The following ETFB variants were observed in gnomAD, a reference collection of about 807,000 sequenced individuals.
ETFB encodes electron transfer flavoprotein subunit beta.
A neutral mutation model predicts 25.6 loss-of-function variants in ETFB; 20 were observed. The observed-to-expected ratio is 0.78, with a 90% CI of 0.55 to 1.14. ETFB has a LOEUF of 1.14. Among genes scored for constraint, ETFB ranks in the 50% most tolerant of loss-of-function variants. The pLI is 0.00. For synonymous variants in ETFB, 142 were observed against 146.7 expected (o/e 0.97, Z 0.23); for missense variants, 286 against 342.6 (o/e 0.83, Z 1.30).
At chr19:51,364,148 G>A (rs1968243) in intron 1 of ETFB, among the ~76,000 whole-genome samples, 45,575 of 151,772 alleles carry the variant, frequency 0.3, 6,963 homozygotes, top group South Asian at 0.42. Flanking sequence ...GGGAGGACCC[G>A]GGTGAGGGTC....
rs1405205974 is a variant in ETFB, at chr19:51,345,358, C to T, written c.621G>A (p.Glu207=). Residue 207 remains glutamate, a synonymous_variant, in exon 6 of 6, where the codon GAG becomes GAA. Transcript: ENST00000309244. ...CACCCAGGTCCCCAGGCTTGATCACCTCGATCTTCTTCTTCTTGGCTTTCT... is the reference window on the plus strand; with the variant it reads ...CACCCAGGTCCCCAGGCTTGATCACTTCGATCTTCTTCTTCTTGGCTTTCT... The part of the protein sequence containing the change: ...NIMKAKKKKI[E]VIKPGDLGVD... 1 of 1,614,130 alleles carries T rather than the reference C, an allele frequency of 6.2e-7. No homozygotes were observed. Among genetic ancestry groups the T allele is most frequent in the Non-Finnish European group, 8.5e-7 (1 of 1,180,016 alleles).
intron 1 of ETFB, among the ~76,000 whole-genome samples, chr19:51,359,837 TAGAG>T (rs901699317): frequency 6.6e-6 from 1 of 151,576 alleles, no homozygotes; most frequent in African/African-American, 2.4e-5. Flanking sequence ...CTGGGCAACA[TAGAG>T]AGACTTCATC....
At chr19:51,355,941 G>A (rs192498801) in intron 1 of ETFB, 2,313 of 118,836 alleles carry the variant, frequency 0.019, 81 homozygotes, top group African/African-American at 0.069. Flanking sequence ...GGGGACTGTC[G>A]TGGGGTGGGG....
intron 4 of ETFB, 74 bp downstream of exon 4, chr19:51,350,255 A>G: frequency 6.5e-7 from 1 of 1,529,948 alleles, no homozygotes; most frequent in Non-Finnish European, 8.9e-7. Flanking sequence ...GCAAATGCAA[A>G]GGCCTTGAGG....
intron 2 of ETFB, 121 bp downstream of exon 2, chr19:51,354,029 C>T (rs1368252841): frequency 8.3e-7 from 1 of 1,200,042 alleles, no homozygotes; most frequent in Admixed American, 2.0e-5. Context: ...TCAGCCCATC[C>T]TCCCTCAGAC....
chr19:51,352,832 T>C (rs1396565611), intron 3 of ETFB, among the ~76,000 whole-genome samples: 17 of 152,270 alleles, frequency 1.1e-4, no homozygotes, highest in Non-Finnish European at 4.4e-5. Context: ...TTCACCATGT[T>C]GGCCACGCTA....
At chr19:51,363,498 G>A (rs1568470908) in intron 1 of ETFB, among the ~76,000 whole-genome samples, 1 of 152,040 alleles carries the variant, frequency 6.6e-6, no homozygotes, top group African/African-American at 2.4e-5. Context: ...ACCCAGGCTG[G>A]AGTACAGGGA....
chr19:51,359,893 C>T (rs978032352), intron 1 of ETFB, among the ~76,000 whole-genome samples: 2 of 151,910 alleles, frequency 1.3e-5, no homozygotes, highest in African/African-American at 2.4e-5. Context: ...TGGCGTGCAC[C>T]TGTAGTCCCA....
At chr19:51,349,786 T>C (rs1303302491) in intron 4 of ETFB, among the ~76,000 whole-genome samples, 1 of 151,738 alleles carries the variant, frequency 6.6e-6, no homozygotes, top group African/African-American at 2.4e-5. Flanking sequence ...CCTCCCTCTG[T>C]TGCCAGGCTG....
chr19:51,354,059 G>C (rs993795429), intron 2 of ETFB, 91 bp downstream of exon 2: 1 of 1,365,138 alleles, frequency 7.3e-7, no homozygotes, highest in African/African-American at 1.6e-5. Context: ...CAGACTTCCA[G>C]CCTCCTCCTC....
In ETFB at chr19:51,354,177, G is replaced by A. The variant is rs267605609; in HGVS notation, c.189C>T (p.Ala63=). 1.2e-5 allele frequency: 20 copies of A among 1,614,094 alleles called. No homozygotes were observed. The highest frequency in any genetic ancestry group is 3.3e-4 in the Middle Eastern group (2 of 6,058). ...KEKKLVKEVI[A]VSCGPAQCQE... ...GGCACTGTGCAGGCCCACAGCTGAC[G>A]GCGATGACCTCCTTCACCAGCTTCT... Residue 63 remains alanine, a synonymous_variant, in exon 2 of 6, where the codon GCC becomes GCT. Coordinates refer to ENST00000309244, the MANE Select transcript of ETFB (RefSeq NM_001985.3).
rs1353707776 is a variant in ETFB at position 51,366,330 on chromosome 19, CCCG to C, written c.-7_-5del. 6.2e-7 allele frequency: 1 copy of C among 1,612,280 alleles called. No individual in the cohort carries two copies. The highest frequency in any genetic ancestry group is 1.7e-5 in the Admixed American group (1 of 60,002). On this transcript the variant is annotated 5_prime_UTR_variant, in exon 1 of 6. Coordinates refer to ENST00000309244, the MANE Select transcript of ETFB (RefSeq NM_001985.3). ...CGAGCACGCGCAGCTCCGCCATCTT[CCCG>C]CCGCAGCCACTTACAGGGTCAGCCC...
rs903169408 is a variant in ETFB at position 51,347,025 on chromosome 19, C to A, written c.472G>T (p.Asp158Tyr). 6.2e-7 allele frequency: 1 copy of A among 1,613,494 alleles called. No individual in the cohort carries two copies. Among genetic ancestry groups the A allele is most frequent in the African/African-American group, 1.3e-5 (1 of 74,904 alleles). Reference protein sequence around the residue: ...TFASQVTLEGDKLKVEREIDG... With the variant: ...TFASQVTLEGYKLKVEREIDG... The stretch of plus-strand genomic sequence containing the variant: ...ATCTCCCGCTCCACTTTCAACTTGT[C>A]CCCCTCCAGCGTCACCTGGGAGGCG... The change falls in exon 5 of 6, where the codon GAC (aspartate) becomes TAC (tyrosine). Residue 158 changes from aspartate to tyrosine, a missense_variant. Physicochemically the swap from Asp to Tyr is radical, Grantham distance 160 (BLOSUM62 -3). Transcript: ENST00000309244.
At chr19:51,362,570 G>A (rs1182895336) in intron 1 of ETFB, among the ~76,000 whole-genome samples, 8 of 152,140 alleles carry the variant, frequency 5.3e-5, no homozygotes, top group African/African-American at 4.8e-5. Context: ...GATAGACTCC[G>A]TCTCAAAAAA....
At chr19:51,350,799 CAGATGT>C (rs1220192877) in intron 3 of ETFB, among the ~76,000 whole-genome samples, 1 of 152,194 alleles carries the variant, frequency 6.6e-6, no homozygotes, top group African/African-American at 2.4e-5. Flanking sequence ...TATGGTGGAA[CAGATGT>C]AGTAAATATC....
intron 1 of ETFB, among the ~76,000 whole-genome samples, chr19:51,364,806 T>G (rs988912729): frequency 6.6e-6 from 1 of 152,224 alleles, no homozygotes; most frequent in Non-Finnish European, 1.5e-5. Flanking sequence ...AGAGCCAGAC[T>G]TGCCCGGGGT....
Position 51,350,468 on chromosome 19 carries a change from G to A in ETFB, c.376-77C>T, listed in dbSNP as rs117790728. 3.8e-4 allele frequency: 304 copies of A among 799,658 alleles called. 1 individual carries two copies. The East Asian group carries it at 7.4e-3, about 19-fold the overall frequency. The allele number at this position is 799,658 out of a possible 1,614,324, so 49.5% of individuals were successfully genotyped here. A position where few individuals can be genotyped will look rare whatever the true frequency, so the allele number is the denominator to read the frequency against. On this transcript the variant is annotated intron_variant, in intron 3 of 5. Coordinates refer to ENST00000309244, the MANE Select transcript of ETFB (RefSeq NM_001985.3). ...CATTCAGGCCTCTGTCTAGAACAGG[G>A]GTTGGCAAACTTTTTCTTTCTTTTT...
intron 3 of ETFB, among the ~76,000 whole-genome samples, chr19:51,351,975 G>C (rs952354918): frequency 6.6e-6 from 1 of 151,902 alleles, no homozygotes; most frequent in Admixed American, 6.6e-5. Context: ...TGGCTCTTCT[G>C]ACGTCCCTCT....
chr19:51,346,763 A>G, intron 5 of ETFB, 137 bp downstream of exon 5: 1 of 834,186 alleles, frequency 1.2e-6, no homozygotes, highest in Non-Finnish European at 1.9e-6. Context: ...TCTATCAGCC[A>G]AACTCCAGGT....
Sources: allele counts gnomAD v4.1 joint callset (sites outside exome capture counted in the v4.1 genomes callset), GRCh38; gene constraint gnomAD v4.1.1; transcripts MANE v1.5; gene names NCBI Gene and HGNC (gene_info 2026-07-23, HGNC 2026-07-21).